CDH24: variants seen among roughly 807,000 people sequenced by gnomAD.
CDH24 encodes the protein cadherin-24.
A neutral mutation model predicts 71.2 loss-of-function variants in CDH24; 61 were observed. That is an observed-to-expected ratio of 0.86 (90% CI 0.70 to 1.06). The LOEUF (loss-of-function observed/expected upper bound fraction) is 1.06. Among genes scored for constraint, CDH24 ranks in the 50% least tolerant of loss-of-function variants. CDH24 has a pLI of 0.00. For synonymous variants in CDH24, 440 were observed against 470.2 expected, an observed-to-expected ratio of 0.94 and a Z score of 0.83; for missense variants, 961 against 1,083.7, an observed-to-expected ratio of 0.89 and a Z score of 1.59.
At chr14:23,049,314 A>G in intron 10 of CDH24, 39 bp from the exon 11 acceptor site, 1 of 1,531,536 alleles carries the variant, frequency 6.5e-7, no homozygotes, top group South Asian at 1.2e-5. Context: ...CTTCTGGGAC[A>G]CCTTCCAGGT....
rs1566724513 is a variant in CDH24 at position 23,055,092 on chromosome 14, AG to A, written c.462del (p.Tyr155ThrfsTer15). 1 of 1,612,584 alleles carries A rather than the reference AG, an allele frequency of 6.2e-7. No homozygotes were observed. Among genetic ancestry groups the A allele is most frequent in the Non-Finnish European group, 8.5e-7 (1 of 1,178,844 alleles). On this transcript the variant is annotated frameshift_variant, in exon 3 of 13. Transcript: ENST00000487137. LOFTEE classifies it high-confidence loss of function. The surrounding 1 kb of genome is among the most constrained non-coding windows in gnomAD (Gnocchi z 4.1). ...NDNPPIFPLG[P>X]YHATVPEMSN... ...GACATCTCGGGCACGGTGGCATGGT[AG>A]GGCCCAAGGGGAAAAATGGGTGGAT...
At position 23,054,742 on chromosome 14, in the gene CDH24, C is replaced by T. The variant is rs754627217; in HGVS notation, c.616+5G>A. The T allele has an allele frequency of 1.9e-6, 3 of 1,614,148 alleles. No homozygotes were observed. Among genetic ancestry groups the T allele is most frequent in the South Asian group, 2.2e-5 (2 of 91,088 alleles). ...CCCCACCGGGCTCCCAGGCTCCATC[C>T]TCACCAGTCTGGGGGTCCACAGAGA... On this transcript the variant is annotated splice_donor_5th_base_variant and intron_variant, in intron 4 of 12. Transcript: ENST00000487137. The surrounding 1 kb of genome is among the most constrained non-coding windows in gnomAD (Gnocchi z 5.2).
chr14:23,055,080 C>T lies in CDH24; in HGVS notation c.475G>A (p.Val159Met), dbSNP rs746363463. 12 of 1,611,722 alleles carry T rather than the reference C, an allele frequency of 7.4e-6. No individual in the cohort carries two copies. The highest frequency in any genetic ancestry group is 6.7e-5 in the Admixed American group (4 of 59,966). The change falls in exon 3 of 13, where the codon GTG becomes ATG. Residue 159 changes from valine to methionine, a missense_variant. Val to Met is a conservative substitution (Grantham distance 21, BLOSUM62 1). Transcript: ENST00000487137. This position sits in a 1 kb window ranked among gnomAD's most constrained non-coding sequence, Gnocchi z 4.1. ...TCACCGACATTGGACATCTCGGGCA[C>T]GGTGGCATGGTAGGGCCCAAGGGGA... Reference protein sequence around the residue: ...IFPLGPYHATVPEMSNVGTSV... With the variant: ...IFPLGPYHATMPEMSNVGTSV...
intron 7 of CDH24, among the ~76,000 whole-genome samples, chr14:23,053,228 CA>C (rs2139946924): frequency 6.6e-6 from 1 of 152,306 alleles, no homozygotes; most frequent in African/African-American, 2.4e-5. Context: ...ATCCACTTAT[CA>C]AATGAGACTA....
chr14:23,052,189 TG>T, intron 8 of CDH24: 1 of 770,104 alleles, frequency 1.3e-6, no homozygotes, highest in Non-Finnish European at 2.2e-6. Context: ...GGGAATGACT[TG>T]AGGGTCAGGA....
intron 6 of CDH24, 97 bp from the exon 7 acceptor site, chr14:23,053,846 C>T: frequency 8.1e-7 from 1 of 1,234,400 alleles, no homozygotes; most frequent in Non-Finnish European, 1.1e-6. Context: ...CACATGCATG[C>T]AGTGCTCAGT....
chr14:23,048,136 G>A lies in CDH24; in HGVS notation c.2190C>T (p.Tyr730=). The A allele has an allele frequency of 7.2e-7, 1 of 1,398,056 alleles. No individual in the cohort carries two copies. The highest frequency in any genetic ancestry group is 9.3e-7 in the Non-Finnish European group (1 of 1,079,684). The allele number at this position is 1,398,056 out of a possible 1,614,324, so 86.6% of individuals were successfully genotyped here. A position where few individuals can be genotyped will look rare whatever the true frequency, so the allele number is the denominator to read the frequency against. The change falls in exon 12 of 13, where the codon TAC becomes TAT. Residue 730 remains tyrosine (Y), a synonymous_variant. Transcript: ENST00000487137. ...AGCCGCAAGAGGAGCCGCGGCCCTC[G>A]TAGCCGTACACCTGCACCGAGTCGT... ...PPYDSVQVYG[Y]EGRGSSCGSL...
chr14:23,053,360 G>T, intron 7 of CDH24, 136 bp downstream of exon 7: 2 of 1,113,728 alleles, frequency 1.8e-6, no homozygotes, highest in Non-Finnish European at 2.5e-6. Context: ...CTGCAGACCA[G>T]CAAGCCCAGC....
rs550945041 is a variant in CDH24 at position 23,050,268 on chromosome 14, C to T, written c.1364-325G>A. 15 of 238,764 alleles carry T rather than the reference C, an allele frequency of 6.3e-5. No individual in the cohort carries two copies. In the South Asian group the frequency reaches 1.0e-3, roughly 16 times the overall value. The allele number at this position is 238,764 out of a possible 1,614,324, so 14.8% of individuals were successfully genotyped here. On this transcript the variant is annotated intron_variant, in intron 8 of 12. Transcript: ENST00000487137. ...ATGAAAGACAGAGGGAAGGTGCATACGAGTTGCATGCAGACAACAGCCATG... is the reference window on the plus strand; with the variant it reads ...ATGAAAGACAGAGGGAAGGTGCATATGAGTTGCATGCAGACAACAGCCATG...
At chr14:23,053,420 G>C in intron 7 of CDH24, 76 bp downstream of exon 7, 1 of 1,422,970 alleles carries the variant, frequency 7.0e-7, no homozygotes, top group Non-Finnish European at 9.4e-7. Context: ...CTATAAGGTA[G>C]GGGGCACATT....
chr14:23,053,995 C>T (rs2047104592), intron 6 of CDH24, 146 bp downstream of exon 6: 2 of 934,172 alleles, frequency 2.1e-6, no homozygotes, highest in Middle Eastern at 2.6e-4. Context: ...GCTCCAGGGC[C>T]TCATCTGAAG....
At position 23,047,679 on chromosome 14, in the gene CDH24, G is replaced by A. The variant is rs78165228; in HGVS notation, c.*301C>T. 28 of 272,830 alleles carry A rather than the reference G, an allele frequency of 1.0e-4. No homozygotes were observed. The East Asian group carries it at 1.8e-3, about 18-fold the overall frequency. 16.9% of individuals were successfully genotyped at this position (272,830 alleles called of 1,614,324 possible). On this transcript the variant is annotated 3_prime_UTR_variant, in exon 12 of 13. Transcript: ENST00000487137. The stretch of plus-strand genomic sequence containing the variant: ...CAGAACTGCAGAGACAAAACGCCAC[G>A]GAGGAAGGAGAGGAATCACAGTGAG...
rs1264425003 is a variant in CDH24 at position 23,054,642 on chromosome 14, G to C, written c.648C>G (p.Asp216Glu). 6.2e-7 allele frequency: 1 copy of C among 1,614,092 alleles called. No homozygotes were observed. The highest frequency in any genetic ancestry group is 1.1e-5 in the South Asian group (1 of 91,074). The change falls in exon 5 of 13, where the codon GAC (aspartate) becomes GAG (glutamate). Residue 216 changes from aspartate to glutamate, a missense_variant. This residue lies in a region of CDH24 where 671 missense variants were observed against 810.9 expected (regional missense o/e 0.83). Coordinates refer to ENST00000487137, the MANE Select transcript of CDH24 (RefSeq NM_144985.4). The surrounding 1 kb of genome is among the most constrained non-coding windows in gnomAD (Gnocchi z 5.2). ...GVVRTAIPNM[D>E]RETQEEFLVV... is the part of the protein sequence containing the mutation. ...CCAAGAACTCCTCCTGTGTCTCCCGGTCCATGTTGGGGATGGCTGTACGCA... is the reference window on the plus strand; with the variant it reads ...CCAAGAACTCCTCCTGTGTCTCCCGCTCCATGTTGGGGATGGCTGTACGCA...
intron 11 of CDH24, among the ~76,000 whole-genome samples, 176 bp downstream of exon 11, chr14:23,048,851 C>T (rs981367238): frequency 9.9e-5 from 15 of 152,138 alleles, no homozygotes; most frequent in Non-Finnish European, 2.1e-4. Context: ...TATGGATTGG[C>T]AGGTCACGGA....
Position 23,050,749 on chromosome 14 carries a change from G to A in CDH24, c.1364-806C>T, listed in dbSNP as rs145432836. Among the ~76,000 whole-genome samples the A allele has an allele frequency of 1.5e-3, 227 of 152,328 alleles. 1 individual carries two copies. The highest frequency in any genetic ancestry group is 0.011 in the East Asian group (55 of 5,188). On this transcript the variant is annotated intron_variant, in intron 8 of 12. Transcript: ENST00000487137. The stretch of plus-strand genomic sequence containing the variant: ...AGTGCCTTCCAAGAGAGAATGCAAA[G>A]TGTGTCTCCCTGTCACCTCTCTTAG...
intron 9 of CDH24, 21 bp downstream of exon 9, chr14:23,049,801 C>T (rs749528489): frequency 1.2e-6 from 2 of 1,613,718 alleles, no homozygotes; most frequent in Admixed American, 3.3e-5. Context: ...ACGTCCCAAC[C>T]CCTCTGCCTC....
rs764837282 is a variant in CDH24 at position 23,053,713 on chromosome 14, G to C, written c.1009C>G (p.Arg337Gly). The change falls in exon 7 of 13, where the codon CGT (arginine) becomes GGT (glycine). Residue 337 changes from arginine (R) to glycine (G), a missense_variant. Physicochemically the swap from Arg to Gly is moderately radical, Grantham distance 125. Coordinates refer to ENST00000487137, the MANE Select transcript of CDH24 (RefSeq NM_144985.4). ...DFESQRSYSF[R>G]VEATNTLIDP... ...ATGAGCGTGTTGGTGGCCTCGACACGGAAGGAGTAGGAGCGCTGGCTCTCA... is the reference window on the plus strand; with the variant it reads ...ATGAGCGTGTTGGTGGCCTCGACACCGAAGGAGTAGGAGCGCTGGCTCTCA... The C allele has an allele frequency of 1.2e-6, 2 of 1,612,270 alleles. No individual in the cohort carries two copies. Among genetic ancestry groups the C allele is most frequent in the Admixed American group, 3.3e-5 (2 of 60,008 alleles).
In CDH24 at chr14:23,055,844, C is replaced by T; in HGVS notation, c.-111G>A. On this transcript the variant is annotated 5_prime_UTR_variant, in exon 2 of 13. Transcript: ENST00000487137. The surrounding 1 kb of genome is among the most constrained non-coding windows in gnomAD (Gnocchi z 4.1). Reference sequence around the variant, plus strand: ...GAGGGGCAGATGCGTTGAGGCTACCCCATGGATCCACACCTGCAGGACAAG... The same window carrying T: ...GAGGGGCAGATGCGTTGAGGCTACCTCATGGATCCACACCTGCAGGACAAG... The T allele has an allele frequency of 1.1e-6, 1 of 872,806 alleles. No homozygotes were observed. The highest frequency in any genetic ancestry group is 1.7e-6 in the Non-Finnish European group (1 of 584,010). 54.1% of individuals were successfully genotyped at this position (872,806 alleles called of 1,614,324 possible). A position where few individuals can be genotyped will look rare whatever the true frequency, so the allele number is the denominator to read the frequency against.
rs1322380355 is a variant in CDH24 at position 23,049,271 on chromosome 14, GCC to G, written c.1600_1601del (p.Gly534LeufsTer41). 3.8e-6 allele frequency: 6 copies of G among 1,570,270 alleles called. No individual in the cohort carries two copies. Among genetic ancestry groups the G allele is most frequent in the Non-Finnish European group, 5.2e-6 (6 of 1,157,572 alleles). On this transcript the variant is annotated frameshift_variant and splice_region_variant, in exon 11 of 13. Transcript: ENST00000487137. LOFTEE classifies it high-confidence loss of function. Reference protein sequence around the residue: ...ANFTVQDNRDGSASLLLPSRP... With the variant: ...ANFTVQDNRDXSASLLLPSRP... ...GGGAGGGCAGCAGCAGGCTGGCGGA[GCC>G]ATCTGTGGGAGAGGGAAGGTGTTGA...
Sources: allele counts gnomAD v4.1 joint callset (sites outside exome capture counted in the v4.1 genomes callset), GRCh38; gene constraint gnomAD v4.1.1; regional missense constraint gnomAD v4.1.1; non-coding constraint Gnocchi (gnomAD v3.1); transcripts MANE v1.5; gene names NCBI Gene and HGNC (gene_info 2026-07-23, HGNC 2026-07-21).